PTPRN2: variants seen among roughly 807,000 people sequenced by gnomAD.
The protein encoded by PTPRN2 is protein tyrosine phosphatase receptor type N2.
Under a neutral mutation model 118.8 loss-of-function variants are expected in PTPRN2, and 74 were observed. The observed-to-expected ratio is 0.62, with a 90% CI of 0.52 to 0.76. PTPRN2 has a LOEUF of 0.76. Ranked by LOEUF, PTPRN2 falls within the 30% of genes least tolerant of loss-of-function variation. PTPRN2 has a pLI of 0.00. For synonymous variants in PTPRN2, 641 were observed against 608.0 expected (o/e 1.05, Z -0.80); for missense variants, 1,481 against 1,394.4 (o/e 1.06, Z -0.99).
At chr7:158,159,575 G>T (rs552563371) in intron 6 of PTPRN2, among the ~76,000 whole-genome samples, 1 of 152,318 alleles carries the variant, frequency 6.6e-6, no homozygotes, top group South Asian at 2.1e-4. Context: ...GGTTCTAACA[G>T]GTTGGTTACC....
intron 12 of PTPRN2, among the ~76,000 whole-genome samples, chr7:157,741,479 T>C (rs1400250822): frequency 6.6e-6 from 1 of 152,170 alleles, no homozygotes; most frequent in Non-Finnish European, 1.5e-5. Flanking sequence ...GCTAACGCTG[T>C]TCATCTTGTC....
intron 1 of PTPRN2, among the ~76,000 whole-genome samples, chr7:158,572,714 C>A (rs1828113631): frequency 6.6e-6 from 1 of 152,206 alleles, no homozygotes; most frequent in Non-Finnish European, 1.5e-5. Flanking sequence ...TTTTTGGTGC[C>A]AGGGTCATTG....
At chr7:158,071,616 G>GTGA (rs1554528558) in intron 11 of PTPRN2, among the ~76,000 whole-genome samples, 8 of 123,526 alleles carry the variant, frequency 6.5e-5, no homozygotes, top group Admixed American at 1.7e-4. Context: ...GGTGCTCGTG[G>GTGA]TGGAGGTGCT....
At chr7:157,653,564 T>G (rs1350477165) in intron 14 of PTPRN2, among the ~76,000 whole-genome samples, 1 of 152,116 alleles carries the variant, frequency 6.6e-6, no homozygotes, top group Admixed American at 6.5e-5. Context: ...AGGCTACCTG[T>G]GTGAGTCCTG....
intron 6 of PTPRN2, among the ~76,000 whole-genome samples, chr7:158,147,379 C>A (rs1291908878): frequency 3.6e-4 from 21 of 58,570 alleles, no homozygotes; most frequent in African/African-American, 2.6e-3. Flanking sequence ...TCAATGACAC[C>A]CCATCTCACG....
intron 11 of PTPRN2, among the ~76,000 whole-genome samples, chr7:158,050,456 C>T (rs1364430052): frequency 6.6e-6 from 1 of 152,210 alleles, no homozygotes; most frequent in Non-Finnish European, 1.5e-5. Context: ...GAGCCTCAAG[C>T]CAACTCCCTC....
At chr7:158,295,932 C>T (rs1800470533) in intron 3 of PTPRN2, among the ~76,000 whole-genome samples, 1 of 152,240 alleles carries the variant, frequency 6.6e-6, no homozygotes, top group Non-Finnish European at 1.5e-5. Flanking sequence ...TTCATTTTCA[C>T]ATCATCAGGC....
rs962553930 is a variant in PTPRN2, at chr7:157,869,487, C to G, written c.1788+29186G>C. Reference sequence around the variant, plus strand: ...CTTTATTTCTCAACATAATCTCCACCAGGGCCAAGACACTTTTGCAAGGGA... The same window carrying G: ...CTTTATTTCTCAACATAATCTCCACGAGGGCCAAGACACTTTTGCAAGGGA... On this transcript the variant is annotated intron_variant, in intron 12 of 22. Transcript: ENST00000389418. The surrounding 1 kb of genome is among the most constrained non-coding windows in gnomAD (Gnocchi z 4.2). Among the ~76,000 whole-genome samples, 3 of 152,096 alleles carry G rather than the reference C, an allele frequency of 2.0e-5. No homozygotes were observed. The highest frequency in any genetic ancestry group is 7.2e-5 in the African/African-American group (3 of 41,404).
chr7:158,228,965 C>T (rs1278377988), intron 3 of PTPRN2, among the ~76,000 whole-genome samples: 1 of 152,086 alleles, frequency 6.6e-6, no homozygotes, highest in African/African-American at 2.4e-5. Context: ...CAAAGAGGCA[C>T]TCCATCAGAG....
At chr7:158,446,684 G>GT (rs1199071585) in intron 2 of PTPRN2, among the ~76,000 whole-genome samples, 1 of 152,276 alleles carries the variant, frequency 6.6e-6, no homozygotes, top group Non-Finnish European at 1.5e-5. Context: ...GAGAAAAGCA[G>GT]TAAGTTTTGT....
At chr7:158,264,063 C>T (rs553493880) in intron 3 of PTPRN2, among the ~76,000 whole-genome samples, 3 of 152,294 alleles carry the variant, frequency 2.0e-5, no homozygotes, top group African/African-American at 4.8e-5. Context: ...GACTTTGGAG[C>T]GGCAAACGGT....
intron 12 of PTPRN2, among the ~76,000 whole-genome samples, chr7:157,834,941 G>A (rs114476388): frequency 0.02 from 3,078 of 152,342 alleles, 97 homozygotes; most frequent in African/African-American, 0.067. Flanking sequence ...CCGAGCCACA[G>A]ATCTGGGGAA....
At chr7:157,849,820 G>A (rs1266730961) in intron 12 of PTPRN2, among the ~76,000 whole-genome samples, 4 of 152,152 alleles carry the variant, frequency 2.6e-5, no homozygotes, top group Non-Finnish European at 4.4e-5. Context: ...AAGCACAGGG[G>A]AGGCCAAACG....
At chr7:158,213,061 A>C (rs1050966315) in intron 3 of PTPRN2, among the ~76,000 whole-genome samples, 1 of 152,212 alleles carries the variant, frequency 6.6e-6, no homozygotes, top group Admixed American at 6.5e-5. Context: ...GTTAGATCTT[A>C]TGGTAACACT....
At chr7:157,665,039 C>G (rs1224468164) in intron 13 of PTPRN2, among the ~76,000 whole-genome samples, 1 of 152,244 alleles carries the variant, frequency 6.6e-6, no homozygotes, top group African/African-American at 2.4e-5. Flanking sequence ...TGGTGCCAAG[C>G]AGGAAGCCCC....
At position 157,645,244 on chromosome 7, in the gene PTPRN2, C is replaced by T. The variant is rs74493072; in HGVS notation, c.2196+11113G>A. On this transcript the variant is annotated intron_variant, in intron 14 of 22. Coordinates refer to ENST00000389418, the MANE Select transcript of PTPRN2 (RefSeq NM_002847.5). ...AACCACTCTTGGAAGGAACCATAAA[C>T]GGCTCCCAAACATGAGAAAGTATGC... 1.0e-3 allele frequency among the ~76,000 whole-genome samples: 152 copies of T among 152,320 alleles called. 3 individuals carry two copies. Among genetic ancestry groups the T allele is most frequent in the African/African-American group, 3.4e-3 (143 of 41,574 alleles).
At chr7:157,792,771 C>T (rs1182858640) in intron 12 of PTPRN2, among the ~76,000 whole-genome samples, 2 of 152,190 alleles carry the variant, frequency 1.3e-5, no homozygotes, top group African/African-American at 4.8e-5. Context: ...GATGGCTGGA[C>T]CTGAGGCTTT....
Position 158,118,591 on chromosome 7 carries a change from A to G in PTPRN2, c.1557-7676T>C, listed in dbSNP as rs112066949. 3.4e-3 allele frequency among the ~76,000 whole-genome samples: 520 copies of G among 152,342 alleles called. 5 individuals carry two copies. The highest frequency in any genetic ancestry group is 0.012 in the African/African-American group (499 of 41,586). ...AAATAGATTAAACTCTCCAATCAAA[A>G]GACAGAGATTAGCAAAATATGATAT... On this transcript the variant is annotated intron_variant, in intron 9 of 22. Transcript: ENST00000389418.
chr7:158,204,441 T>G (rs76451158), intron 4 of PTPRN2, among the ~76,000 whole-genome samples: 64 of 152,374 alleles, frequency 4.2e-4, no homozygotes, highest in African/African-American at 1.5e-3. Context: ...AATTTTGTGT[T>G]ACTGGAATCT....
Sources: allele counts gnomAD v4.1 joint callset (sites outside exome capture counted in the v4.1 genomes callset), GRCh38; gene constraint gnomAD v4.1.1; non-coding constraint Gnocchi (gnomAD v3.1); transcripts MANE v1.5; gene names NCBI Gene and HGNC (gene_info 2026-07-23, HGNC 2026-07-21).